Variants in ZNF444 observed in about 807,000 individuals in gnomAD.
ZNF444 encodes zinc finger protein 444.
ZNF444 carries 8 observed loss-of-function variants against 14.4 expected under a neutral mutation model. The observed-to-expected ratio is 0.56, with a 90% CI of 0.33 to 1.00. The LOEUF is 1.00. Among genes scored for constraint, ZNF444 ranks in the 50% least tolerant of loss-of-function variants. The pLI, the probability that ZNF444 is intolerant of heterozygous loss-of-function variation, is 0.03. For synonymous variants in ZNF444, 258 were observed against 235.9 expected (o/e 1.09, Z -0.86); for missense variants, 510 against 504.8 (o/e 1.01, Z -0.10).
In ZNF444 at chr19:56,144,373, C is replaced by T. The variant is rs1016503557; in HGVS notation, c.-196-1874C>T. ...GGAGTATAGAGAATCTGGGAGCAGGCAGAGATGAGAAAGTAGGGCTGGGCT... is the reference window on the plus strand; with the variant it reads ...GGAGTATAGAGAATCTGGGAGCAGGTAGAGATGAGAAAGTAGGGCTGGGCT... On this transcript the variant is annotated intron_variant, in intron 1 of 4. Coordinates refer to ENST00000337080, the MANE Select transcript of ZNF444 (RefSeq NM_018337.4). This position sits in a 1 kb window ranked among gnomAD's most constrained non-coding sequence, Gnocchi z 4.0. 6.6e-6 allele frequency among the ~76,000 whole-genome samples: 1 copy of T among 151,960 alleles called. No individual in the cohort carries two copies. Among genetic ancestry groups the T allele is most frequent in the African/African-American group, 2.4e-5 (1 of 41,326 alleles).
At chr19:56,134,051 C>T (rs1485135984) in intron 1 of ZNF444, among the ~76,000 whole-genome samples, 1 of 152,020 alleles carries the variant, frequency 6.6e-6, no homozygotes, top group Non-Finnish European at 1.5e-5. Flanking sequence ...GCCATCCCCC[C>T]TTCTGCTGGT....
At chr19:56,146,732 A>G (rs2031206826) in intron 2 of ZNF444, among the ~76,000 whole-genome samples, 158 bp from the exon 3 acceptor site, 1 of 152,156 alleles carries the variant, frequency 6.6e-6, no homozygotes. Context: ...AGGTTGCAGT[A>G]AGCTGAGATC....
At chr19:56,136,183 G>A (rs938836277) in intron 1 of ZNF444, among the ~76,000 whole-genome samples, 1 of 151,490 alleles carries the variant, frequency 6.6e-6, no homozygotes, top group Non-Finnish European at 1.5e-5. Flanking sequence ...CTCTCTGAGT[G>A]TGTTATGACC....
At chr19:56,146,550 G>A (rs951862288) in intron 2 of ZNF444, 130 bp downstream of exon 2, 3 of 183,098 alleles carry the variant, frequency 1.6e-5, no homozygotes, top group African/African-American at 7.0e-5. Flanking sequence ...AGCACTTTGG[G>A]AGGCCGAGGT....
Position 56,160,286 on chromosome 19 carries a change from CTCT to C in ZNF444, c.*86_*88del. 1 of 1,131,992 alleles carries C rather than the reference CTCT, an allele frequency of 8.8e-7. No individual in the cohort carries two copies. 70.1% of individuals were successfully genotyped at this position (1,131,992 alleles called of 1,614,324 possible). Reference sequence around the variant, plus strand: ...TCTCCCAGCGCCACTTGGCCTCTTCCTCTCCTCCTTCCCTCCCATCGTCCTCCT... The same window carrying C: ...TCTCCCAGCGCCACTTGGCCTCTTCCCCTCCTTCCCTCCCATCGTCCTCCT... On this transcript the variant is annotated 3_prime_UTR_variant, in exon 5 of 5. Transcript: ENST00000337080.
At chr19:56,148,291 C>G (rs372080684) in intron 3 of ZNF444, among the ~76,000 whole-genome samples, 43 of 152,286 alleles carry the variant, frequency 2.8e-4, no homozygotes, top group African/African-American at 1.0e-3. Flanking sequence ...TGAGCCACCT[C>G]GAGCGGCACA....
At chr19:56,152,710 A>G (rs1417881920) in intron 3 of ZNF444, among the ~76,000 whole-genome samples, 1 of 151,864 alleles carries the variant, frequency 6.6e-6, no homozygotes, top group East Asian at 1.9e-4. Flanking sequence ...ATCAAGGCCA[A>G]CTCAGTGTTT....
Position 56,147,298 on chromosome 19 carries a change from C to T in ZNF444, c.297+90C>T. 1 of 1,338,358 alleles carries T rather than the reference C, an allele frequency of 7.5e-7. No individual in the cohort carries two copies. The highest frequency in any genetic ancestry group is 9.6e-7 in the Non-Finnish European group (1 of 1,039,222). The allele number at this position is 1,338,358 out of a possible 1,614,324, so 82.9% of individuals were successfully genotyped here. A position where few individuals can be genotyped will look rare whatever the true frequency, so the allele number is the denominator to read the frequency against. On this transcript the variant is annotated intron_variant, in intron 3 of 4. Coordinates refer to ENST00000337080, the MANE Select transcript of ZNF444 (RefSeq NM_018337.4). This position sits in a 1 kb window ranked among gnomAD's most constrained non-coding sequence, Gnocchi z 5.9. ...GCCCAGGGAGGAGCACCACTGAACCCCTGAAAACCAGTGTGACTCGCGGTG... is the reference window on the plus strand; with the variant it reads ...GCCCAGGGAGGAGCACCACTGAACCTCTGAAAACCAGTGTGACTCGCGGTG...
At chr19:56,149,578 T>C (rs1462272023) in intron 3 of ZNF444, among the ~76,000 whole-genome samples, 1 of 152,194 alleles carries the variant, frequency 6.6e-6, no homozygotes, top group East Asian at 1.9e-4. Flanking sequence ...TACCAACCTG[T>C]CATCTAGGTT....
At chr19:56,157,205 A>C (rs1256466838) in intron 3 of ZNF444, 1 of 152,286 alleles carries the variant, frequency 6.6e-6, no homozygotes, top group African/African-American at 2.4e-5. Context: ...CCCAGAGCCC[A>C]TCACGGTCCC....
rs111596608 is a variant in ZNF444 at position 56,152,236 on chromosome 19, G to T, written c.297+5028G>T. On this transcript the variant is annotated intron_variant, in intron 3 of 4. Coordinates refer to ENST00000337080, the MANE Select transcript of ZNF444 (RefSeq NM_018337.4). ...AATCCCAGCTACTCAGGAAGCTGAG[G>T]CAGGAGAATCGCTTGAACCCAGGAG... Among the ~76,000 whole-genome samples the T allele has an allele frequency of 5.3e-3, 802 of 152,008 alleles. 10 individuals are homozygous for T. The highest frequency in any genetic ancestry group is 0.019 in the African/African-American group (772 of 41,452).
chr19:56,159,715 G>C lies in ZNF444; in HGVS notation c.498G>C (p.Ala166=), dbSNP rs912095047. 30 of 1,559,706 alleles carry C rather than the reference G, an allele frequency of 1.9e-5. No individual in the cohort carries two copies. Among genetic ancestry groups the C allele is most frequent in the African/African-American group, 1.8e-4 (13 of 73,624 alleles). Residue 166 remains alanine (A), a synonymous_variant, in exon 5 of 5, where the codon GCG becomes GCC. Transcript: ENST00000337080. ...AGGAGCCCAGCAGCCCCCCGCTGGC[G>C]CCTGGCCTGCCCGCCTTCCTAGCGG... The part of the protein sequence containing the change: ...YKQEPSSPPL[A]PGLPAFLAAP...
At position 56,160,646 on chromosome 19, in the gene ZNF444, G is replaced by C. The variant is rs937020402; in HGVS notation, c.*445G>C. 4 of 168,112 alleles carry C rather than the reference G, an allele frequency of 2.4e-5. No individual in the cohort carries two copies. The highest frequency in any genetic ancestry group is 2.5e-5 in the Non-Finnish European group (2 of 79,384). 10.4% of individuals were successfully genotyped at this position (168,112 alleles called of 1,614,324 possible). A position where few individuals can be genotyped will look rare whatever the true frequency, so the allele number is the denominator to read the frequency against. On this transcript the variant is annotated 3_prime_UTR_variant, in exon 5 of 5. Coordinates refer to ENST00000337080, the MANE Select transcript of ZNF444 (RefSeq NM_018337.4). ...GCCAGGCCCCCTTGGTGAAGCAGAGGCTGAAGGAAAGGGGTCTGGGTCTTG... is the reference window on the plus strand; with the variant it reads ...GCCAGGCCCCCTTGGTGAAGCAGAGCCTGAAGGAAAGGGGTCTGGGTCTTG...
chr19:56,159,512 C>A, intron 4 of ZNF444, 112 bp from the exon 5 acceptor site: 1 of 958,860 alleles, frequency 1.0e-6, no homozygotes, highest in African/African-American at 1.7e-5. Context: ...GCCCTCTTCC[C>A]ACCCCAATGG....
upstream of ZNF444, among the ~76,000 whole-genome samples, chr19:56,137,647 C>G (rs2030642593): frequency 6.6e-6 from 1 of 152,052 alleles, no homozygotes; most frequent in Non-Finnish European, 1.5e-5. Context: ...AGCTGTGTGC[C>G]CCGGCTCAGT....
chr19:56,147,217 G>C lies in ZNF444; in HGVS notation c.297+9G>C, dbSNP rs1899767288. ...TGCTGGAGGAGCTCTGGGTGAGCCT[G>C]GCGGGACTGCAAGCGGGGAAGGGAG... On this transcript the variant is annotated intron_variant, in intron 3 of 4. Transcript: ENST00000337080. This position sits in a 1 kb window ranked among gnomAD's most constrained non-coding sequence, Gnocchi z 5.9. The C allele has an allele frequency of 1.4e-6, 2 of 1,419,930 alleles. No homozygotes were observed. Among genetic ancestry groups the C allele is most frequent in the Non-Finnish European group, 1.8e-6 (2 of 1,092,598 alleles). 88.0% of individuals were successfully genotyped at this position (1,419,930 alleles called of 1,614,324 possible).
Position 56,146,959 on chromosome 19 carries a change from G to A in ZNF444, c.48G>A (p.Leu16=). The A allele has an allele frequency of 6.9e-7, 1 of 1,447,538 alleles. No individual in the cohort carries two copies. The highest frequency in any genetic ancestry group is 9.0e-7 in the Non-Finnish European group (1 of 1,110,164). 89.7% of individuals were successfully genotyped at this position (1,447,538 alleles called of 1,614,324 possible). A position where few individuals can be genotyped will look rare whatever the true frequency, so the allele number is the denominator to read the frequency against. The change falls in exon 3 of 5, where the codon CTG becomes CTA. Residue 16 remains leucine, a synonymous_variant. Transcript: ENST00000337080. Reference sequence around the variant, plus strand: ...AGCAGGAGGCCGAGGGCCTGGCGCTGGACTCCCCGTGGCACCGCTTCCGCC... The same window carrying A: ...AGCAGGAGGCCGAGGGCCTGGCGCTAGACTCCCCGTGGCACCGCTTCCGCC... ...PVKQEAEGLA[L]DSPWHRFRRF...
At chr19:56,134,446 G>T (rs1448424959) in intron 1 of ZNF444, among the ~76,000 whole-genome samples, 1 of 152,108 alleles carries the variant, frequency 6.6e-6, no homozygotes, top group African/African-American at 2.4e-5. Context: ...TTGCTGAGTC[G>T]CTCAGCATGA....
At position 56,144,033 on chromosome 19, in the gene ZNF444, G is replaced by C. The variant is rs559749637; in HGVS notation, c.-196-2214G>C. 7.2e-5 allele frequency among the ~76,000 whole-genome samples: 11 copies of C among 152,330 alleles called. No individual in the cohort carries two copies. In the East Asian group the frequency reaches 2.1e-3, roughly 29 times the overall value. ...GAAGATAGAAAGTGAGCCAGACCGGGCACAGTGGCTCACTCCTGTAATCCC... is the reference window on the plus strand; with the variant it reads ...GAAGATAGAAAGTGAGCCAGACCGGCCACAGTGGCTCACTCCTGTAATCCC... On this transcript the variant is annotated intron_variant, in intron 1 of 4. Transcript: ENST00000337080. The surrounding 1 kb of genome is among the most constrained non-coding windows in gnomAD (Gnocchi z 4.0).
Sources: gnomAD v4.1 joint callset for allele counts (sites outside exome capture counted in the v4.1 genomes callset) on GRCh38, gnomAD v4.1.1 for gene constraint, Gnocchi (gnomAD v3.1) non-coding constraint, MANE v1.5 for transcripts, NCBI Gene and HGNC (gene_info 2026-07-23, HGNC 2026-07-21) for gene names.